Variants in TFEB observed in about 807,000 individuals in gnomAD.
The protein encoded by TFEB is transcription factor EB.
In TFEB, 12 loss-of-function variants were observed where a neutral mutation model predicts 48.0. The ratio of observed to expected loss-of-function variants is 0.25; its 90% CI spans 0.16 to 0.40. The LOEUF is 0.40. Ranked by LOEUF, TFEB falls within the 10% of genes least tolerant of loss-of-function variation. The pLI, the probability that TFEB is intolerant of heterozygous loss-of-function variation, is 1.00. For synonymous variants in TFEB, 244 were observed against 261.4 expected (o/e 0.93, Z 0.64); for missense variants, 509 against 640.3 (o/e 0.79, Z 2.21).
At position 41,735,368 on chromosome 6, in the gene TFEB, C is replaced by G. The variant is rs1356993397; in HGVS notation, c.-41G>C. ...CGCTCACCTCGCTCTGAAGGTCAATCTGTCCGCCGCCCGCGCCCCGCGGCT... is the reference window on the plus strand; with the variant it reads ...CGCTCACCTCGCTCTGAAGGTCAATGTGTCCGCCGCCCGCGCCCCGCGGCT... On this transcript the variant is annotated 5_prime_UTR_variant, in exon 1 of 9. Coordinates refer to ENST00000373033, the MANE Select transcript of TFEB (RefSeq NM_001271944.2). The G allele has an allele frequency of 3.0e-6, 3 of 985,522 alleles. No individual in the cohort carries two copies. Among genetic ancestry groups the G allele is most frequent in the Non-Finnish European group, 3.6e-6 (3 of 830,382 alleles). The allele number at this position is 985,522 out of a possible 1,614,324, so 61.0% of individuals were successfully genotyped here.
At position 41,684,751 on chromosome 6, in the gene TFEB, T is replaced by A; in HGVS notation, c.1279A>T (p.Ser427Cys). The change falls in exon 9 of 9, where the codon AGC (serine) becomes TGC (cysteine). Residue 427 changes from serine (S) to cysteine (C), a missense_variant. Around this residue, in one of 4 missense-constraint regions of TFEB, gnomAD observed 168 missense variants for 161.0 expected, o/e 1.04. Transcript: ENST00000373033. ...LAPGHGSPFP[S>C]LSKKDLDLML... ...AGGTCCAGATCCTTCTTGGACAGGCTGGGGAATGGGGAGCCATGCCCCGGC... is the reference window on the plus strand; with the variant it reads ...AGGTCCAGATCCTTCTTGGACAGGCAGGGGAATGGGGAGCCATGCCCCGGC... 2 of 1,613,132 alleles carry A rather than the reference T, an allele frequency of 1.2e-6. No homozygotes were observed. The highest frequency in any genetic ancestry group is 1.7e-6 in the Non-Finnish European group (2 of 1,179,688).
chr6:41,701,062 G>A (rs375795402), intron 1 of TFEB, among the ~76,000 whole-genome samples: 2 of 152,238 alleles, frequency 1.3e-5, no homozygotes, highest in South Asian at 4.1e-4. Flanking sequence ...TGATATGCAC[G>A]GACCGGCCCA....
intron 1 of TFEB, among the ~76,000 whole-genome samples, chr6:41,702,086 A>G (rs1769961421): frequency 6.6e-6 from 1 of 152,124 alleles, no homozygotes; most frequent in South Asian, 2.1e-4. Flanking sequence ...TGGGGCCCAT[A>G]GGAAAGGTCT....
rs1769655029 is a variant in TFEB at position 41,697,427 on chromosome 6, A to AAAAAAAAAAAAAAAAAG, written c.-22-6193_-22-6192insCTTTTTTTTTTTTTTTT. On this transcript the variant is annotated intron_variant, in intron 1 of 8. Transcript: ENST00000373033. Reference sequence around the variant, plus strand: ...CCATCTCAAAAAAAAAAAAAAAAAAAGAATGAGGGCAGACGTTAAATAGTT... The same window carrying AAAAAAAAAAAAAAAAAG: ...CCATCTCAAAAAAAAAAAAAAAAAAAAAAAAAAAAAAAAAAAGGAATGAGGGCAGACGTTAAATAGTT... Among the ~76,000 whole-genome samples the AAAAAAAAAAAAAAAAAG allele has an allele frequency of 5.2e-4, 76 of 145,246 alleles. 2 individuals carry two copies. Among genetic ancestry groups the AAAAAAAAAAAAAAAAAG allele is most frequent in the African/African-American group, 1.9e-3 (75 of 38,534 alleles).
chr6:41,688,221 C>A, intron 4 of TFEB, 193 bp from the exon 5 acceptor site: 1 of 604,454 alleles, frequency 1.7e-6, no homozygotes, highest in Non-Finnish European at 2.8e-6. Context: ...GTAGTCCCTG[C>A]CCTCAAGGAG....
intron 1 of TFEB, among the ~76,000 whole-genome samples, chr6:41,722,065 C>T (rs1345073147): frequency 1.3e-5 from 2 of 152,156 alleles, no homozygotes; most frequent in African/African-American, 2.4e-5. Flanking sequence ...TGAACCCCTT[C>T]GCCTCCTGGG....
chr6:41,696,609 G>A lies in TFEB; in HGVS notation c.-22-5374C>T, dbSNP rs148003968. ...CTCGGGAGGCTGAGACAGAAGAATCGCTTGAACCCGGGAGGCAGAGGTTGC... is the reference window on the plus strand; with the variant it reads ...CTCGGGAGGCTGAGACAGAAGAATCACTTGAACCCGGGAGGCAGAGGTTGC... On this transcript the variant is annotated intron_variant, in intron 1 of 8. Coordinates refer to ENST00000373033, the MANE Select transcript of TFEB (RefSeq NM_001271944.2). Among the ~76,000 whole-genome samples, 907 of 152,214 alleles carry A rather than the reference G, an allele frequency of 6.0e-3. 4 individuals are homozygous for A. Among genetic ancestry groups the A allele is most frequent in the Non-Finnish European group, 9.7e-3 (662 of 68,028 alleles).
chr6:41,712,056 C>A (rs1330715112), intron 1 of TFEB, among the ~76,000 whole-genome samples: 1 of 152,192 alleles, frequency 6.6e-6, no homozygotes, highest in Non-Finnish European at 1.5e-5. Flanking sequence ...CCATACCTCA[C>A]CTCAATATTT....
intron 8 of TFEB, 115 bp downstream of exon 8, chr6:41,685,975 C>G (rs1389904864): frequency 7.4e-7 from 1 of 1,351,990 alleles, no homozygotes; most frequent in Non-Finnish European, 1.0e-6. Context: ...CATCCTCCTT[C>G]CTAATGGGCA....
chr6:41,684,110 G>C lies in TFEB; in HGVS notation c.*489C>G, dbSNP rs1036640718. 1 of 231,798 alleles carries C rather than the reference G, an allele frequency of 4.3e-6. No homozygotes were observed. The highest frequency in any genetic ancestry group is 2.2e-5 in the African/African-American group (1 of 45,202). The allele number at this position is 231,798 out of a possible 1,614,324, so 14.4% of individuals were successfully genotyped here. A position where few individuals can be genotyped will look rare whatever the true frequency, so the allele number is the denominator to read the frequency against. On this transcript the variant is annotated 3_prime_UTR_variant, in exon 9 of 9. Coordinates refer to ENST00000373033, the MANE Select transcript of TFEB (RefSeq NM_001271944.2). ...GGTGGAGAGCTATTAGCACCAAAGT[G>C]GGGGGTGCCCACCTGTGGGAGAGCC...
intron 8 of TFEB, among the ~76,000 whole-genome samples, chr6:41,685,693 C>T (rs193261038): frequency 6.6e-6 from 1 of 152,334 alleles, no homozygotes; most frequent in East Asian, 1.9e-4. Flanking sequence ...ACCTTCCAGG[C>T]ACATGATAGG....
In TFEB at chr6:41,722,986, C is replaced by T. The variant is rs375982858; in HGVS notation, c.-23+12364G>A. On this transcript the variant is annotated intron_variant, in intron 1 of 8. Coordinates refer to ENST00000373033, the MANE Select transcript of TFEB (RefSeq NM_001271944.2). Reference sequence around the variant, plus strand: ...TTGCCAGCATCATGAAACTGCAAAACGACAGGGCCAGGATTCAAGCAGGTG... The same window carrying T: ...TTGCCAGCATCATGAAACTGCAAAATGACAGGGCCAGGATTCAAGCAGGTG... Among the ~76,000 whole-genome samples the T allele has an allele frequency of 1.0e-3, 155 of 152,248 alleles. 2 individuals are homozygous for T. In the South Asian group the frequency reaches 0.026, roughly 25 times the overall value.
intron 1 of TFEB, among the ~76,000 whole-genome samples, chr6:41,717,365 A>C (rs1051870285): frequency 2.6e-5 from 4 of 152,178 alleles, no homozygotes; most frequent in African/African-American, 9.7e-5. Flanking sequence ...CTGCCCCCAG[A>C]AATTATAAGA....
At chr6:41,697,242 T>C (rs1286198378) in intron 1 of TFEB, among the ~76,000 whole-genome samples, 2 of 151,576 alleles carry the variant, frequency 1.3e-5, no homozygotes, top group Non-Finnish European at 2.9e-5. Flanking sequence ...ACCCTGTCTC[T>C]ACTAAAAATA....
chr6:41,717,582 G>A (rs1770793166), intron 1 of TFEB, among the ~76,000 whole-genome samples: 1 of 152,158 alleles, frequency 6.6e-6, no homozygotes, highest in Non-Finnish European at 1.5e-5. Flanking sequence ...CCATCTATTA[G>A]TCTGAGAAGG....
intron 1 of TFEB, among the ~76,000 whole-genome samples, chr6:41,722,616 C>T (rs983948997): frequency 6.6e-6 from 1 of 152,360 alleles, no homozygotes; most frequent in East Asian, 1.9e-4. Flanking sequence ...CAGCATCCCC[C>T]TCATGGGGTG....
At chr6:41,719,586 C>A (rs778811886) in intron 1 of TFEB, among the ~76,000 whole-genome samples, 11 of 152,194 alleles carry the variant, frequency 7.2e-5, no homozygotes, top group South Asian at 4.1e-4. Flanking sequence ...GGCCAGACAC[C>A]CGGCCCAGGG....
At chr6:41,686,837 A>G (rs2127445935) in intron 7 of TFEB, 1 of 536,918 alleles carries the variant, frequency 1.9e-6, no homozygotes, top group East Asian at 3.1e-5. Flanking sequence ...GGCCTTAAGA[A>G]AACTTTCTCA....
rs1769499560 is a variant in TFEB at position 41,694,932 on chromosome 6, C to T, written c.-22-3697G>A. Among the ~76,000 whole-genome samples, 6 of 152,252 alleles carry T rather than the reference C, an allele frequency of 3.9e-5. No homozygotes were observed. The South Asian group carries it at 1.2e-3, about 32-fold the overall frequency. On this transcript the variant is annotated intron_variant, in intron 1 of 8. Coordinates refer to ENST00000373033, the MANE Select transcript of TFEB (RefSeq NM_001271944.2). ...CCCCCAGAGAATCCCTGCCTCTCCCCAATCACATGGCTGCCCCCATCAACA... is the reference window on the plus strand; with the variant it reads ...CCCCCAGAGAATCCCTGCCTCTCCCTAATCACATGGCTGCCCCCATCAACA...
Sources: gnomAD v4.1 joint callset for allele counts (sites outside exome capture counted in the v4.1 genomes callset) on GRCh38, gnomAD v4.1.1 for gene constraint, gnomAD v4.1.1 regional missense constraint, MANE v1.5 for transcripts, NCBI Gene and HGNC (gene_info 2026-07-23, HGNC 2026-07-21) for gene names.